The following PCMTD1 variants were observed in gnomAD, a reference collection of about 807,000 sequenced individuals.
PCMTD1 encodes the protein protein-L-isoaspartate O-methyltransferase domain-containing protein 1.
Under a neutral mutation model 37.6 loss-of-function variants are expected in PCMTD1, and 12 were observed. The observed-to-expected ratio is 0.32, with a 90% confidence interval of 0.20 to 0.52. The LOEUF is 0.52. PCMTD1 is among the 20% of genes least tolerant of loss of function. The probability of loss-of-function intolerance (pLI) is 0.97; values close to 1 mark genes in which losing one functional copy is unlikely to be tolerated. For synonymous variants in PCMTD1, 117 were observed against 135.8 expected, an observed-to-expected ratio of 0.86 and a Z score of 0.96; for missense variants, 235 against 421.3, an observed-to-expected ratio of 0.56 and a Z score of 3.87.
chr8:51,891,179 T>C (rs1279534783), intron 1 of PCMTD1, among the ~76,000 whole-genome samples: 1 of 152,120 alleles, frequency 6.6e-6, no homozygotes, highest in East Asian at 1.9e-4. Flanking sequence ...AGCTCAGAAA[T>C]GGGTCAGTGC....
rs2129294869 is a variant in PCMTD1, at chr8:51,889,783, A to G, written c.-96+9147T>C. 1.3e-5 allele frequency among the ~76,000 whole-genome samples: 2 copies of G among 152,254 alleles called. 1 individual carries two copies. Among genetic ancestry groups the G allele is most frequent in the South Asian group, 4.2e-4 (2 of 4,818 alleles). On this transcript the variant is annotated intron_variant, in intron 1 of 5. Coordinates refer to ENST00000522514, the MANE Select transcript of PCMTD1 (RefSeq NM_052937.4). ...AAGTGTCAGTTTTCCTGAAGCAGTA[A>G]AGGGAATGTCATTTATATTAGATTC...
At chr8:51,823,869 TG>T (rs1276817203) in intron 5 of PCMTD1, among the ~76,000 whole-genome samples, 4 of 152,194 alleles carry the variant, frequency 2.6e-5, no homozygotes, top group African/African-American at 9.6e-5. Flanking sequence ...GCTTCATCCC[TG>T]GGATGCAAGG....
At chr8:51,879,283 GT>G (rs1339824998) in intron 1 of PCMTD1, among the ~76,000 whole-genome samples, 1 of 150,952 alleles carries the variant, frequency 6.6e-6, no homozygotes, top group African/African-American at 2.4e-5. Flanking sequence ...GTTATTCTCA[GT>G]TTAAGTTAGA....
chr8:51,865,298 T>C (rs1163191652), intron 1 of PCMTD1, among the ~76,000 whole-genome samples: 1 of 152,044 alleles, frequency 6.6e-6, no homozygotes, highest in East Asian at 1.9e-4. Flanking sequence ...AAAAATCAAG[T>C]GAAGAGAATA....
intron 1 of PCMTD1, among the ~76,000 whole-genome samples, chr8:51,867,179 GACAAAAGATA>G (rs1563354261): frequency 1.3e-5 from 2 of 151,952 alleles, no homozygotes; most frequent in African/African-American, 2.4e-5. Flanking sequence ...TCATCAAAAA[GACAAAAGATA>G]ACAAGTATTG....
At position 51,880,535 on chromosome 8, in the gene PCMTD1, C is replaced by T. The variant is rs147954416; in HGVS notation, c.-96+18395G>A. On this transcript the variant is annotated intron_variant, in intron 1 of 5. Transcript: ENST00000522514. ...CATCTCTACTGTAGTCTTCTCTACT[C>T]CCCAACTCATACCATAATCAGGGGC... is the stretch of plus-strand genomic sequence containing the variant. Among the ~76,000 whole-genome samples the T allele has an allele frequency of 1.3e-3, 199 of 152,284 alleles. 1 individual carries two copies. The highest frequency in any genetic ancestry group is 4.6e-3 in the African/African-American group (190 of 41,552).
intron 2 of PCMTD1, among the ~76,000 whole-genome samples, chr8:51,853,093 T>G (rs1445832976): frequency 2.6e-5 from 4 of 152,184 alleles, no homozygotes; most frequent in African/African-American, 7.2e-5. Flanking sequence ...GACGAAAGAT[T>G]CACCCTTCAC....
At chr8:51,841,700 A>C (rs2038149363) in intron 3 of PCMTD1, among the ~76,000 whole-genome samples, 2 of 152,198 alleles carry the variant, frequency 1.3e-5, no homozygotes, top group Admixed American at 1.3e-4. Flanking sequence ...GTACATGAGC[A>C]AATACTGACT....
In PCMTD1 at chr8:51,867,717, G is replaced by A. The variant is rs112361456; in HGVS notation, c.-95-6471C>T. Among the ~76,000 whole-genome samples, 93 of 151,986 alleles carry A rather than the reference G, an allele frequency of 6.1e-4. 1 individual carries two copies. The highest frequency in any genetic ancestry group is 1.2e-3 in the Non-Finnish European group (79 of 67,946). On this transcript the variant is annotated intron_variant, in intron 1 of 5. Transcript: ENST00000522514. ...CATACTAAGACATAAGACAGGCATG[G>A]AAAGACAAACACTACATGATCTCAC...
intron 1 of PCMTD1, among the ~76,000 whole-genome samples, chr8:51,898,659 G>A (rs535475936): frequency 4.6e-4 from 69 of 149,946 alleles, no homozygotes; most frequent in African/African-American, 1.6e-3. Context: ...CAGGGACCCC[G>A]GCTCCCGACC....
At chr8:51,829,053 T>C (rs1408273622) in intron 5 of PCMTD1, among the ~76,000 whole-genome samples, 5 of 152,212 alleles carry the variant, frequency 3.3e-5, no homozygotes, top group African/African-American at 9.6e-5. Flanking sequence ...ACAAGTATAT[T>C]TGAAAAAACT....
chr8:51,825,279 T>A (rs1370009470), intron 5 of PCMTD1, among the ~76,000 whole-genome samples: 1 of 152,010 alleles, frequency 6.6e-6, no homozygotes, highest in East Asian at 1.9e-4. Flanking sequence ...GGGAGAAAAA[T>A]TCTGCAATCT....
chr8:51,827,213 A>G, intron 5 of PCMTD1: 1 of 1,134,034 alleles, frequency 8.8e-7, no homozygotes. Context: ...TTTATTTTTT[A>G]GAAATTCACA....
chr8:51,845,596 G>A (rs1044914495), intron 3 of PCMTD1, 65 bp downstream of exon 3: 5 of 1,126,228 alleles, frequency 4.4e-6, no homozygotes, highest in Non-Finnish European at 5.3e-6. Flanking sequence ...TAGTGTTCAA[G>A]AATAGACATG....
Position 51,861,261 on chromosome 8 carries a change from C to T in PCMTD1, c.-95-15G>A. On this transcript the variant is annotated splice_polypyrimidine_tract_variant and intron_variant, in intron 1 of 5. Transcript: ENST00000522514. ...ATAAATTAATCCTGGAAGGGAAGAA[C>T]AAAAATAAACAGGTTTAAATTAATG... The T allele has an allele frequency of 7.0e-7, 1 of 1,423,410 alleles. No individual in the cohort carries two copies. Among genetic ancestry groups the T allele is most frequent in the South Asian group, 1.6e-5 (1 of 63,096 alleles). 88.2% of individuals were successfully genotyped at this position (1,423,410 alleles called of 1,614,324 possible).
chr8:51,850,216 T>C, intron 2 of PCMTD1: 1 of 600,372 alleles, frequency 1.7e-6, no homozygotes, highest in South Asian at 2.0e-5. Context: ...TAGTAGTCCC[T>C]GGGAAAAAGC....
intron 2 of PCMTD1, among the ~76,000 whole-genome samples, chr8:51,855,646 C>G (rs1380462741): frequency 6.6e-6 from 1 of 151,822 alleles, no homozygotes; most frequent in Non-Finnish European, 1.5e-5. Context: ...ATACAGAAAC[C>G]TTGATACCTG....
At chr8:51,878,252 T>TTTG (rs1350583674) in intron 1 of PCMTD1, among the ~76,000 whole-genome samples, 1 of 147,788 alleles carries the variant, frequency 6.8e-6, no homozygotes, top group African/African-American at 2.5e-5. Context: ...TTTTTTTGGT[T>TTTG]TTTTTTTTTT....
chr8:51,888,567 T>TAC (rs2038895273), intron 1 of PCMTD1, among the ~76,000 whole-genome samples: 1 of 152,140 alleles, frequency 6.6e-6, no homozygotes, highest in South Asian at 2.1e-4. Flanking sequence ...CAGAATCAAA[T>TAC]ATATGCATGA....
Sources: gnomAD v4.1 joint callset for allele counts (sites outside exome capture counted in the v4.1 genomes callset) on GRCh38, gnomAD v4.1.1 for gene constraint, MANE v1.5 for transcripts, NCBI Gene and HGNC (gene_info 2026-07-23, HGNC 2026-07-21) for gene names.